Variants in TRAK1 observed in about 807,000 individuals in gnomAD.
TRAK1 encodes the protein trafficking kinesin-binding protein 1.
A neutral mutation model predicts 92.1 loss-of-function variants in TRAK1; 33 were observed. The ratio of observed to expected loss-of-function variants is 0.36; its 90% confidence interval spans 0.27 to 0.48. The LOEUF (loss-of-function observed/expected upper bound fraction) is 0.48, where lower values mean the gene tolerates loss of function less well. Ranked by LOEUF, TRAK1 falls within the 20% of genes least tolerant of loss-of-function variation. TRAK1 has a pLI of 0.99. For synonymous variants in TRAK1, 521 were observed against 517.3 expected, an observed-to-expected ratio of 1.01 and a Z score of -0.10; for missense variants, 1,123 against 1,257.9, an observed-to-expected ratio of 0.89 and a Z score of 1.62.
rs964977940 is a variant in TRAK1, at chr3:42,013,991, C to T, written c.-645C>T. 1.3e-5 allele frequency: 2 copies of T among 150,766 alleles called. No individual in the cohort carries two copies. Among genetic ancestry groups the T allele is most frequent in the African/African-American group, 4.8e-5 (2 of 41,254 alleles). The allele number at this position is 150,766 out of a possible 1,614,324, so 9.3% of individuals were successfully genotyped here. A position where few individuals can be genotyped will look rare whatever the true frequency, so the allele number is the denominator to read the frequency against. ...GAGTGCCCCCGTGCCGCCCGGCCGG[C>T]TGCAGCGGAGGGAACCGAAGCCGCC... On this transcript the variant is annotated 5_prime_UTR_variant, in exon 1 of 17. Coordinates refer to the TRAK1 transcript ENST00000487159. The surrounding 1 kb of genome is among the most constrained non-coding windows in gnomAD (Gnocchi z 5.1).
chr3:42,145,028 T>C (rs1312606321), intron 2 of TRAK1, among the ~76,000 whole-genome samples: 1 of 152,240 alleles, frequency 6.6e-6, no homozygotes, highest in Non-Finnish European at 1.5e-5. Flanking sequence ...AAGTAATACA[T>C]GCGGATTGAT....
At chr3:42,149,136 G>C (rs576897346) in intron 2 of TRAK1, 5 of 964,850 alleles carry the variant, frequency 5.2e-6, no homozygotes, top group African/African-American at 1.8e-5. Flanking sequence ...AAAGATGAGC[G>C]GCGAGCAGGA....
chr3:42,091,411 T>C lies in TRAK1; in HGVS notation c.-59T>C, dbSNP rs1705039799. ...TGGCTGTGCGAGGTACTGCCGGGGC[T>C]GAGCTCTCATGGAGGCTCTCTCTGT... On this transcript the variant is annotated 5_prime_UTR_variant, in exon 1 of 16. Transcript: ENST00000327628. 1.3e-6 allele frequency: 2 copies of C among 1,531,134 alleles called. No individual in the cohort carries two copies. The highest frequency in any genetic ancestry group is 3.6e-5 in the Admixed American group (2 of 55,686). 94.8% of individuals were successfully genotyped at this position (1,531,134 alleles called of 1,614,324 possible).
rs1256160110 is a variant in TRAK1 at position 42,174,691 on chromosome 3, T to G, written c.287-2123T>G. Among the ~76,000 whole-genome samples the G allele has an allele frequency of 2.0e-5, 3 of 148,162 alleles. No homozygotes were observed. The East Asian group carries it at 5.8e-4, about 29-fold the overall frequency. On this transcript the variant is annotated intron_variant, in intron 2 of 15. Coordinates refer to ENST00000327628, the MANE Select transcript of TRAK1 (RefSeq NM_001042646.3). ...CAAAATTTTTATATATATGCAAAATTATATATATACAAAAATATATATAAA... is the reference window on the plus strand; with the variant it reads ...CAAAATTTTTATATATATGCAAAATGATATATATACAAAAATATATATAAA...
chr3:42,209,636 A>G, intron 13 of TRAK1, 131 bp from the exon 14 acceptor site: 1 of 876,050 alleles, frequency 1.1e-6, no homozygotes, highest in Non-Finnish European at 1.7e-6. Flanking sequence ...GCTGCAGTCC[A>G]CCTGGAGGCC....
intron 1 of TRAK1, among the ~76,000 whole-genome samples, chr3:42,075,442 T>A (rs1559739599): frequency 6.6e-6 from 1 of 151,930 alleles, no homozygotes; most frequent in Non-Finnish European, 1.5e-5. Flanking sequence ...AGTGCTGCGA[T>A]GAAGATACAT....
chr3:42,111,934 ATC>A (rs1341967155), intron 1 of TRAK1, among the ~76,000 whole-genome samples: 2 of 150,004 alleles, frequency 1.3e-5, no homozygotes, highest in African/African-American at 4.9e-5. Flanking sequence ...TTTTTTTCAA[ATC>A]TAGAAAAGAG....
At chr3:42,090,950 G>C (rs1313957355), upstream of TRAK1, 3 of 155,030 alleles carry the variant, frequency 1.9e-5, no homozygotes, top group Non-Finnish European at 4.3e-5. Flanking sequence ...GTCATTGAAA[G>C]GAAGACATTA....
At chr3:42,053,395 T>TGGGGG (rs1703067211) in intron 1 of TRAK1, among the ~76,000 whole-genome samples, 2 of 49,250 alleles carry the variant, frequency 4.1e-5, no homozygotes, top group Non-Finnish European at 4.6e-5. Context: ...GGGCGGGGGA[T>TGGGGG]GGCAAAGGGG....
At chr3:42,085,643 A>G (rs965948378), upstream of TRAK1, among the ~76,000 whole-genome samples, 6 of 152,342 alleles carry the variant, frequency 3.9e-5, no homozygotes, top group African/African-American at 9.6e-5. Flanking sequence ...GGAAATGTCT[A>G]TTAACTTTCT....
intron 2 of TRAK1, among the ~76,000 whole-genome samples, chr3:42,158,989 AATAATAATAATAATT>A (rs1416025498): frequency 6.7e-6 from 1 of 148,404 alleles, no homozygotes; most frequent in Non-Finnish European, 1.5e-5. Flanking sequence ...TAATAATAAT[AATAATAATAATAATT>A]AGAGGATGCA....
At chr3:42,088,950 G>A (rs551015044), upstream of TRAK1, among the ~76,000 whole-genome samples, 66 of 152,238 alleles carry the variant, frequency 4.3e-4, no homozygotes, top group African/African-American at 1.5e-3. Flanking sequence ...ATCGCCTTCT[G>A]TACTGGCCAC....
chr3:42,182,422 C>T lies in TRAK1; in HGVS notation c.364-2263C>T, dbSNP rs191396090. ...ATTCTCCTGCCTCAGCCTCCCGAGT[C>T]GCTGGGATTACTGGCTCCCGCCACC... On this transcript the variant is annotated intron_variant, in intron 3 of 15. Coordinates refer to ENST00000327628, the MANE Select transcript of TRAK1 (RefSeq NM_001042646.3). Among the ~76,000 whole-genome samples, 260 of 151,906 alleles carry T rather than the reference C, an allele frequency of 1.7e-3. 2 individuals are homozygous for T. The highest frequency in any genetic ancestry group is 3.9e-4 in the East Asian group (2 of 5,154).
At chr3:42,108,081 A>T (rs146040265) in intron 1 of TRAK1, among the ~76,000 whole-genome samples, 8 of 152,218 alleles carry the variant, frequency 5.3e-5, no homozygotes, top group Admixed American at 5.2e-4. Flanking sequence ...CTCATTTTGC[A>T]GCAGGGGAGG....
intron 14 of TRAK1, chr3:42,211,867 C>T: frequency 1.0e-6 from 1 of 985,344 alleles, no homozygotes; most frequent in Non-Finnish European, 1.2e-6. Context: ...GGGGCATGAA[C>T]ATTTATAGTT....
chr3:42,028,624 G>C (rs1372043565), intron 1 of TRAK1, among the ~76,000 whole-genome samples: 1 of 152,230 alleles, frequency 6.6e-6, no homozygotes, highest in Non-Finnish European at 1.5e-5. Context: ...TTCCCAGGCA[G>C]AGCAAACAGC....
At chr3:42,026,636 T>G (rs1701931017) in intron 1 of TRAK1, among the ~76,000 whole-genome samples, 1 of 151,894 alleles carries the variant, frequency 6.6e-6, no homozygotes, top group Admixed American at 6.6e-5. Context: ...GTGATTCTCC[T>G]GCCTCAGCCT....
chr3:42,078,798 G>A (rs192559669), intron 1 of TRAK1, among the ~76,000 whole-genome samples: 45 of 151,054 alleles, frequency 3.0e-4, no homozygotes, highest in African/African-American at 9.2e-4. Flanking sequence ...AGAAAGATGA[G>A]GCAGAAGGGG....
chr3:42,135,490 G>T (rs1470494892), intron 2 of TRAK1, among the ~76,000 whole-genome samples: 1 of 152,202 alleles, frequency 6.6e-6, no homozygotes, highest in South Asian at 2.1e-4. Flanking sequence ...CACTTTGGGT[G>T]GCCGAGGTGG....
Sources: gnomAD v4.1 joint callset for allele counts (sites outside exome capture counted in the v4.1 genomes callset) on GRCh38, gnomAD v4.1.1 for gene constraint, Gnocchi (gnomAD v3.1) non-coding constraint, MANE v1.5 for transcripts, NCBI Gene and HGNC (gene_info 2026-07-23, HGNC 2026-07-21) for gene names.